KDM5B: variants seen among roughly 807,000 people sequenced by gnomAD.
KDM5B encodes lysine-specific demethylase 5B.
In KDM5B, 144 loss-of-function variants were observed where a neutral mutation model predicts 193.4. That is an observed-to-expected ratio of 0.74 (90% CI 0.65 to 0.86). The LOEUF is 0.86. Among genes scored for constraint, KDM5B ranks in the 40% least tolerant of loss-of-function variants. The pLI is 0.00. For missense variants in KDM5B, 1,833 were observed against 1,886.9 expected, an observed-to-expected ratio of 0.97 and a Z score of 0.53; for synonymous variants, 668 against 682.6, an observed-to-expected ratio of 0.98 and a Z score of 0.33.
Position 202,760,207 on chromosome 1 carries a change from G to T in KDM5B, c.1077+208C>A, listed in dbSNP as rs1014533070. The stretch of plus-strand genomic sequence containing the variant: ...CATGGGCCTGTAGTCCCAGCTACGT[G>T]GGGGGGGCTGAGGTGGGAGAACTGC... On this transcript the variant is annotated intron_variant, in intron 8 of 26. Coordinates refer to ENST00000367265, the MANE Select transcript of KDM5B (RefSeq NM_006618.5). Among the ~76,000 whole-genome samples the T allele has an allele frequency of 7.0e-4, 7 of 10,040 alleles. No homozygotes were observed. In the South Asian group the frequency reaches 0.019, roughly 27 times the overall value. 6.6% of individuals were successfully genotyped at this position (10,040 alleles called of 152,430 possible).
chr1:202,774,845 AT>A (rs11337395), intron 2 of KDM5B, 110 bp from the exon 3 acceptor site: 68,665 of 1,011,208 alleles, frequency 0.068, 3,167 homozygotes, highest in African/African-American at 0.17. Context: ...ACTTAAAAAA[AT>A]TTTTTTTTAA....
At position 202,748,821 on chromosome 1, in the gene KDM5B, C is replaced by A. The variant is rs535228759; in HGVS notation, c.2016+124G>T. 1.7e-4 allele frequency: 122 copies of A among 729,074 alleles called. 2 individuals carry two copies. In the South Asian group the frequency reaches 1.8e-3, roughly 11 times the overall value. 45.2% of individuals were successfully genotyped at this position (729,074 alleles called of 1,614,324 possible). A position where few individuals can be genotyped will look rare whatever the true frequency, so the allele number is the denominator to read the frequency against. On this transcript the variant is annotated intron_variant, in intron 14 of 26. Transcript: ENST00000367265. ...AAAACCACGAGATACTACTATACAT[C>A]TATTACAATGGCCTCAAAGAAAATA...
At position 202,750,724 on chromosome 1, in the gene KDM5B, A is replaced by G; in HGVS notation, c.1756T>C (p.Tyr586His). ...AAACCCTGGTTAAAACCACTGTGGT[A>G]GGCTCTTGGAAATGTAATCACAAAC... ...GEFVITFPRA[Y>H]HSGFNQGFNF... is the part of the protein sequence containing the mutation. The change falls in exon 13 of 27, where the codon TAC becomes CAC. Residue 586 changes from tyrosine (Y) to histidine (H), a missense_variant. Physicochemically the swap from Tyr to His is moderately conservative, Grantham distance 83 (BLOSUM62 2). Coordinates refer to ENST00000367265, the MANE Select transcript of KDM5B (RefSeq NM_006618.5). 1 of 1,613,882 alleles carries G rather than the reference A, an allele frequency of 6.2e-7. No homozygotes were observed. The highest frequency in any genetic ancestry group is 8.5e-7 in the Non-Finnish European group (1 of 1,179,736).
At position 202,727,130 on chromosome 1, in the gene KDM5B, G is replaced by A. The variant is rs1322598777; in HGVS notation, c.*1906C>T. On this transcript the variant is annotated 3_prime_UTR_variant, in exon 27 of 27. Coordinates refer to ENST00000367265, the MANE Select transcript of KDM5B (RefSeq NM_006618.5). ...GGGTAGGGGTTGTGCTTACTAAGAT[G>A]GCAAAAGCTCTCTAAAGGCAGTGGC... 1 of 152,266 alleles carries A rather than the reference G, an allele frequency of 6.6e-6. No homozygotes were observed. The highest frequency in any genetic ancestry group is 2.4e-5 in the African/African-American group (1 of 41,438). 9.4% of individuals were successfully genotyped at this position (152,266 alleles called of 1,614,324 possible).
intron 16 of KDM5B, among the ~76,000 whole-genome samples, chr1:202,744,632 T>G (rs1472044673): frequency 2.0e-5 from 3 of 152,074 alleles, no homozygotes; most frequent in Non-Finnish European, 4.4e-5. Flanking sequence ...TGGCTATTAT[T>G]AAAAAGTCAA....
At chr1:202,771,869 C>T (rs1230375891) in intron 4 of KDM5B, among the ~76,000 whole-genome samples, 4 of 152,152 alleles carry the variant, frequency 2.6e-5, no homozygotes, top group Non-Finnish European at 4.4e-5. Flanking sequence ...CGTGAGCCAT[C>T]GCGCCCGGCT....
intron 1 of KDM5B, among the ~76,000 whole-genome samples, chr1:202,805,011 T>C (rs367982291): frequency 1.2e-4 from 19 of 152,288 alleles, no homozygotes; most frequent in African/African-American, 4.6e-4. Flanking sequence ...CAGCCAACTA[T>C]TTTTCTGCCT....
At chr1:202,787,305 C>T (rs767406937) in intron 1 of KDM5B, among the ~76,000 whole-genome samples, 8 of 152,124 alleles carry the variant, frequency 5.3e-5, no homozygotes, top group Admixed American at 1.3e-4. Context: ...GCCACCCATC[C>T]GACCAAGTTT....
Position 202,752,985 on chromosome 1 carries a change from G to C in KDM5B, c.1621C>G (p.Leu541Val). Residue 541 changes from leucine (L) to valine (V), a missense_variant, in exon 12 of 27, where the codon CTC becomes GTC. Coordinates refer to ENST00000367265, the MANE Select transcript of KDM5B (RefSeq NM_006618.5). ...ENVMKKLAPE[L>V]FVSQPDLLHQ... ...AGGAGATCCGGCTGGGACACAAAGA[G>C]TTCTGGAGCTAGTTTCTTCATTACA... 1 of 1,614,076 alleles carries C rather than the reference G, an allele frequency of 6.2e-7. No homozygotes were observed. The highest frequency in any genetic ancestry group is 8.5e-7 in the Non-Finnish European group (1 of 1,179,970).
intron 24 of KDM5B, 88 bp downstream of exon 24, chr1:202,731,740 T>C: frequency 1.0e-6 from 1 of 1,001,328 alleles, no homozygotes; most frequent in Non-Finnish European, 1.6e-6. Flanking sequence ...AAGTCCTTTT[T>C]ATGGTACTTG....
At chr1:202,739,801 C>T (rs374776961) in intron 20 of KDM5B, among the ~76,000 whole-genome samples, 4 of 152,160 alleles carry the variant, frequency 2.6e-5, no homozygotes, top group Non-Finnish European at 5.9e-5. Context: ...GTAAGGTCAC[C>T]GATCAACAGG....
In KDM5B at chr1:202,725,285, G is replaced by A. The variant is rs919125852; in HGVS notation, c.*3751C>T. 1 of 152,240 alleles carries A rather than the reference G, an allele frequency of 6.6e-6. No individual in the cohort carries two copies. The highest frequency in any genetic ancestry group is 1.5e-5 in the Non-Finnish European group (1 of 68,046). The allele number at this position is 152,240 out of a possible 1,614,324, so 9.4% of individuals were successfully genotyped here. A position where few individuals can be genotyped will look rare whatever the true frequency, so the allele number is the denominator to read the frequency against. On this transcript the variant is annotated 3_prime_UTR_variant, in exon 27 of 27. Coordinates refer to ENST00000367265, the MANE Select transcript of KDM5B (RefSeq NM_006618.5). Reference sequence around the variant, plus strand: ...ACTTGTTCACATAAATTTGAAGGGAGAAGTGAAAATATACACTTTACAAAT... The same window carrying A: ...ACTTGTTCACATAAATTTGAAGGGAAAAGTGAAAATATACACTTTACAAAT...
At chr1:202,739,518 G>A (rs368658193) in intron 20 of KDM5B, among the ~76,000 whole-genome samples, 2 of 148,414 alleles carry the variant, frequency 1.3e-5, no homozygotes, top group Non-Finnish European at 3.0e-5. Context: ...GGTGTTTCTC[G>A]CAGAGGGGGA....
chr1:202,784,709 C>A (rs1657334532), intron 1 of KDM5B, among the ~76,000 whole-genome samples: 1 of 152,172 alleles, frequency 6.6e-6, no homozygotes, highest in African/African-American at 2.4e-5. Context: ...AGGTGTCTAT[C>A]AGAAAAGTTT....
intron 23 of KDM5B, 89 bp from the exon 24 acceptor site, chr1:202,732,028 G>C: frequency 4.3e-6 from 3 of 702,994 alleles, no homozygotes; most frequent in Non-Finnish European, 4.6e-6. Flanking sequence ...CATTACCCAG[G>C]CAGGCAACCA....
chr1:202,780,733 A>G (rs1657162190), intron 1 of KDM5B, among the ~76,000 whole-genome samples: 1 of 151,956 alleles, frequency 6.6e-6, no homozygotes, highest in Admixed American at 6.6e-5. Context: ...GTAAAAAACT[A>G]GAACAAAAAC....
intron 20 of KDM5B, among the ~76,000 whole-genome samples, chr1:202,740,437 G>T (rs1318971336): frequency 7.7e-6 from 1 of 129,198 alleles, no homozygotes; most frequent in Non-Finnish European, 1.8e-5. Flanking sequence ...CCCGGACGGG[G>T]CGGCTGGCCG....
At chr1:202,763,400 C>A (rs558167752) in intron 6 of KDM5B, among the ~76,000 whole-genome samples, 1 of 152,300 alleles carries the variant, frequency 6.6e-6, no homozygotes, top group African/African-American at 2.4e-5. Context: ...CAAGAAACAT[C>A]TCTAAGGTTA....
At chr1:202,763,319 C>T (rs1408431911) in intron 6 of KDM5B, among the ~76,000 whole-genome samples, 1 of 152,144 alleles carries the variant, frequency 6.6e-6, no homozygotes, top group Non-Finnish European at 1.5e-5. Flanking sequence ...GTGCTCAATG[C>T]TTTCCATAAA....
Sources: allele counts gnomAD v4.1 joint callset (sites outside exome capture counted in the v4.1 genomes callset), GRCh38; gene constraint gnomAD v4.1.1; transcripts MANE v1.5; gene names NCBI Gene and HGNC (gene_info 2026-07-23, HGNC 2026-07-21).